NSUN2: variants seen among roughly 807,000 people sequenced by gnomAD.
NSUN2 encodes NOP2/Sun RNA methyltransferase 2.
Under a neutral mutation model 92.7 loss-of-function variants are expected in NSUN2, and 63 were observed. The observed-to-expected ratio is 0.68, with a 90% confidence interval of 0.56 to 0.84. NSUN2 has a LOEUF of 0.84. Among genes scored for constraint, NSUN2 ranks in the 40% least tolerant of loss-of-function variants. The pLI, the probability that NSUN2 is intolerant of heterozygous loss-of-function variation, is 0.00. For missense variants in NSUN2, 989 were observed against 964.9 expected, an observed-to-expected ratio of 1.02 and a Z score of -0.33; for synonymous variants, 356 against 348.3, an observed-to-expected ratio of 1.02 and a Z score of -0.25.
At position 6,616,774 on chromosome 5, in the gene NSUN2, G is replaced by T; in HGVS notation, c.974C>A (p.Pro325His). Residue 325 changes from proline to histidine, a missense_variant, in exon 9 of 19, where the codon CCT becomes CAT. Pro to His is a moderately conservative substitution (Grantham distance 77). Coordinates refer to ENST00000264670, the MANE Select transcript of NSUN2 (RefSeq NM_017755.6). ...TGCTATGACTGCTTCATCCTCAATAGGGTTTAGTGAACACGTGGAATACAC... is the reference window on the plus strand; with the variant it reads ...TGCTATGACTGCTTCATCCTCAATATGGTTTAGTGAACACGTGGAATACAC... ...RMVYSTCSLN[P>H]IEDEAVIASL... 6.4e-6 allele frequency: 10 copies of T among 1,552,816 alleles called. No homozygotes were observed. Among genetic ancestry groups the T allele is most frequent in the Non-Finnish European group, 8.7e-6 (10 of 1,151,858 alleles).
chr5:6,628,376 GAATGATA>G (rs1560985885), intron 3 of NSUN2, among the ~76,000 whole-genome samples: 2 of 152,012 alleles, frequency 1.3e-5, no homozygotes, highest in African/African-American at 4.8e-5. Context: ...CACATAAATA[GAATGATA>G]ATAAGGTGCA....
intron 12 of NSUN2, among the ~76,000 whole-genome samples, chr5:6,609,225 T>G (rs375668623): frequency 6.6e-6 from 1 of 152,204 alleles, no homozygotes; most frequent in Non-Finnish European, 1.5e-5. Flanking sequence ...AACTAATAAA[T>G]AATGCTGGCG....
chr5:6,621,553 C>T (rs1029962077), intron 6 of NSUN2: 2 of 152,774 alleles, frequency 1.3e-5, no homozygotes. Context: ...TCGAGACCAT[C>T]CTGGCTAACA....
intron 7 of NSUN2, among the ~76,000 whole-genome samples, chr5:6,619,378 C>G (rs891871211): frequency 6.6e-6 from 1 of 152,194 alleles, no homozygotes; most frequent in African/African-American, 2.4e-5. Context: ...TCTGTGCTAA[C>G]AAGTTTTGTG....
intron 18 of NSUN2, 94 bp downstream of exon 18, chr5:6,602,367 T>G: frequency 7.8e-7 from 1 of 1,287,380 alleles, no homozygotes; most frequent in Non-Finnish European, 1.1e-6. Flanking sequence ...CTGAAGAAGG[T>G]TCCCACCTTC....
At chr5:6,604,809 C>A (rs557387244) in intron 15 of NSUN2, 124 bp from the exon 16 acceptor site, 10 of 748,428 alleles carry the variant, frequency 1.3e-5, no homozygotes, top group South Asian at 4.9e-5. Flanking sequence ...AGAAACCCAC[C>A]GAGAAACCCC....
rs16877704 is a variant in NSUN2 at position 6,622,009 on chromosome 5, T to C, written c.622+7A>G. 2 of 1,611,542 alleles carry C rather than the reference T, an allele frequency of 1.2e-6. No homozygotes were observed. Among genetic ancestry groups the C allele is most frequent in the South Asian group, 1.1e-5 (1 of 91,024 alleles). ...CCTACCATTTTGAACACAAGTCCAA[T>C]GCATACCTGGAAAGGGGACATTCAT... On this transcript the variant is annotated splice_region_variant and intron_variant, in intron 6 of 18. Transcript: ENST00000264670.
chr5:6,605,392 C>G lies in NSUN2; in HGVS notation c.1618G>C (p.Asp540His), dbSNP rs960067117. 6.2e-7 allele frequency: 1 copy of G among 1,613,912 alleles called. No homozygotes were observed. Among genetic ancestry groups the G allele is most frequent in the South Asian group, 1.1e-5 (1 of 91,064 alleles). Reference sequence around the variant, plus strand: ...AAATTCATCCTTGGGAATGAAGGATCCAAAGCATAAAATTTCCTGTACATA... The same window carrying G: ...AAATTCATCCTTGGGAATGAAGGATGCAAAGCATAAAATTTCCTGTACATA... ...FPPIEKFYAL[D>H]PSFPRMNLLT... Residue 540 changes from aspartate to histidine, a missense_variant, in exon 15 of 19, where the codon GAT becomes CAT. By Grantham distance (81) the Asp-to-His change is moderately conservative (BLOSUM62 -1). Around this residue, in one of 3 missense-constraint regions of NSUN2, gnomAD observed 626 missense variants for 602.3 expected, o/e 1.04. Coordinates refer to ENST00000264670, the MANE Select transcript of NSUN2 (RefSeq NM_017755.6).
At chr5:6,605,195 C>A in intron 15 of NSUN2, 78 bp downstream of exon 15, 5 of 1,577,894 alleles carry the variant, frequency 3.2e-6, no homozygotes, top group Non-Finnish European at 3.4e-6. Context: ...ACGGTCTGCT[C>A]CAAATGAAAT....
intron 6 of NSUN2, chr5:6,621,771 T>G: frequency 2.5e-6 from 1 of 395,014 alleles, no homozygotes; most frequent in Non-Finnish European, 4.6e-6. Context: ...AGAAATGCCA[T>G]TCGTTTTTAT....
chr5:6,615,401 C>T (rs1443597143), intron 9 of NSUN2, among the ~76,000 whole-genome samples: 1 of 152,134 alleles, frequency 6.6e-6, no homozygotes, highest in Non-Finnish European at 1.5e-5. Context: ...AACAACTGAC[C>T]CCAAATCACA....
At chr5:6,611,272 T>G (rs1440482234) in intron 10 of NSUN2, among the ~76,000 whole-genome samples, 187 bp from the exon 11 acceptor site, 1 of 152,016 alleles carries the variant, frequency 6.6e-6, no homozygotes, top group Non-Finnish European at 1.5e-5. Context: ...TATTAATACA[T>G]AAATTCTGTT....
Position 6,599,757 on chromosome 5 carries a change from A to AAGCAGTC in NSUN2, c.*162_*168dup. On this transcript the variant is annotated 3_prime_UTR_variant, in exon 19 of 19. Coordinates refer to ENST00000264670, the MANE Select transcript of NSUN2 (RefSeq NM_017755.6). ...AGTACATTTTCATCAGCTCCAAAGAAAGCAGTCCTGGTCATTCAGAAGGCT... is the reference window on the plus strand; with the variant it reads ...AGTACATTTTCATCAGCTCCAAAGAAAGCAGTCAGCAGTCCTGGTCATTCAGAAGGCT... The AAGCAGTC allele has an allele frequency of 1.5e-6, 1 of 654,508 alleles. No individual in the cohort carries two copies. The highest frequency in any genetic ancestry group is 2.7e-6 in the Non-Finnish European group (1 of 369,872). The allele number at this position is 654,508 out of a possible 1,614,324, so 40.5% of individuals were successfully genotyped here.
At position 6,602,438 on chromosome 5, in the gene NSUN2, G is replaced by A. The variant is rs755139199; in HGVS notation, c.1997+23C>T. On this transcript the variant is annotated intron_variant, in intron 18 of 18. Coordinates refer to ENST00000264670, the MANE Select transcript of NSUN2 (RefSeq NM_017755.6). ...CTAATGACAAGGCGTGTGTGTCTAA[G>A]GGCAGGGCGTGTACTGACTTACGCA... The A allele has an allele frequency of 5.0e-6, 8 of 1,611,494 alleles. No individual in the cohort carries two copies. In the African/African-American group the frequency reaches 6.7e-5, roughly 14 times the overall value.
intron 9 of NSUN2, among the ~76,000 whole-genome samples, chr5:6,614,020 C>T (rs565383447): frequency 1.6e-3 from 240 of 147,252 alleles, no homozygotes; most frequent in Admixed American, 2.8e-3. Flanking sequence ...TCACTTAACC[C>T]GGGAGATGGA....
At chr5:6,631,844 T>G in intron 3 of NSUN2, 29 bp downstream of exon 3, 1 of 1,426,084 alleles carries the variant, frequency 7.0e-7, no homozygotes, top group Non-Finnish European at 9.8e-7. Context: ...CCCAAATAAA[T>G]ATTCGGCATG....
intron 3 of NSUN2, among the ~76,000 whole-genome samples, chr5:6,626,153 T>C (rs1218591843): frequency 1.3e-5 from 2 of 152,272 alleles, no homozygotes; most frequent in Admixed American, 6.5e-5. Context: ...ACCAGTTCAA[T>C]AATGCACTAA....
chr5:6,608,417 C>A (rs918070392), intron 12 of NSUN2, among the ~76,000 whole-genome samples: 1 of 152,220 alleles, frequency 6.6e-6, no homozygotes, highest in African/African-American at 2.4e-5. Flanking sequence ...AGCACCACAA[C>A]AGAACACGGC....
chr5:6,631,884 C>T lies in NSUN2; in HGVS notation c.348G>A (p.Gln116=), dbSNP rs780407059. 23 of 1,611,776 alleles carry T rather than the reference C, an allele frequency of 1.4e-5. No homozygotes were observed. The highest frequency in any genetic ancestry group is 2.0e-5 in the Non-Finnish European group (23 of 1,178,030). ...EVDGQKVEVP[Q]PLSWYPEELA... is the part of the protein sequence containing the mutation. ...ACTGTGGTACCTACCAACTCAGTGG[C>T]TGTGGAACTTCAACTTTCTGACCGT... Residue 116 remains glutamine, a synonymous_variant, in exon 3 of 19, where the codon CAG becomes CAA. Coordinates refer to ENST00000264670, the MANE Select transcript of NSUN2 (RefSeq NM_017755.6).
Sources: gnomAD v4.1 joint callset for allele counts (sites outside exome capture counted in the v4.1 genomes callset) on GRCh38, gnomAD v4.1.1 for gene constraint, gnomAD v4.1.1 regional missense constraint, MANE v1.5 for transcripts, NCBI Gene and HGNC (gene_info 2026-07-23, HGNC 2026-07-21) for gene names.